PTPN1: variants seen among roughly 807,000 people sequenced by gnomAD.
PTPN1 encodes protein tyrosine phosphatase non-receptor type 1, also known as tyrosine-protein phosphatase non-receptor type 1.
In PTPN1, 12 loss-of-function variants were observed where a neutral mutation model predicts 59.9. That is an observed-to-expected ratio of 0.20 (90% confidence interval 0.13 to 0.32). PTPN1 has a LOEUF of 0.32. Ranked by LOEUF, PTPN1 falls within the 10% of genes least tolerant of loss-of-function variation. The pLI is 1.00. For missense variants in PTPN1, 356 were observed against 549.2 expected, an observed-to-expected ratio of 0.65 and a Z score of 3.52; for synonymous variants, 178 against 203.6, an observed-to-expected ratio of 0.87 and a Z score of 1.07.
At chr20:50,550,841 A>G (rs2082699213) in intron 1 of PTPN1, among the ~76,000 whole-genome samples, 1 of 152,180 alleles carries the variant, frequency 6.6e-6, no homozygotes, top group Non-Finnish European at 1.5e-5. Context: ...AAAATGAGTA[A>G]TGCATTTTAC....
chr20:50,556,034 C>CT (rs745934751), intron 1 of PTPN1, among the ~76,000 whole-genome samples: 7,741 of 142,994 alleles, frequency 0.054, 267 homozygotes, highest in Non-Finnish European at 0.08. Context: ...TTTTTCAGGT[C>CT]TTTTTTTTTT....
intron 5 of PTPN1, among the ~76,000 whole-genome samples, chr20:50,576,324 C>T (rs2082836577): frequency 1.3e-5 from 2 of 152,194 alleles, no homozygotes; most frequent in Non-Finnish European, 2.9e-5. Context: ...AAGAGCTGTG[C>T]GCTTTTTGCT....
rs1176721804 is a variant in PTPN1 at position 50,582,826 on chromosome 20, G to A, written c.*111G>A. 12 of 1,359,908 alleles carry A rather than the reference G, an allele frequency of 8.8e-6. No homozygotes were observed. Among genetic ancestry groups the A allele is most frequent in the Non-Finnish European group, 1.2e-5 (12 of 969,202 alleles). The allele number at this position is 1,359,908 out of a possible 1,614,324, so 84.2% of individuals were successfully genotyped here. ...TAAGGGCCGCCGGACCGCGTAGAGA[G>A]CCGGGCCCCGGACGGACGTTGGTTC... is the stretch of plus-strand genomic sequence containing the variant. On this transcript the variant is annotated 3_prime_UTR_variant, in exon 10 of 10. Coordinates refer to ENST00000371621, the MANE Select transcript of PTPN1 (RefSeq NM_002827.4). The surrounding 1 kb of genome is among the most constrained non-coding windows in gnomAD (Gnocchi z 4.2).
At chr20:50,581,753 T>C (rs77843552) in intron 9 of PTPN1, among the ~76,000 whole-genome samples, 80 of 149,468 alleles carry the variant, frequency 5.4e-4, no homozygotes, top group East Asian at 2.1e-3. Context: ...CTCTCTCTCT[T>C]TTTTTTTTTA....
At chr20:50,564,075 AAAAAAC>A (rs919528416) in intron 2 of PTPN1, among the ~76,000 whole-genome samples, 2 of 152,258 alleles carry the variant, frequency 1.3e-5, no homozygotes, top group Non-Finnish European at 2.9e-5. Flanking sequence ...CTTTAAAAAA[AAAAAAC>A]AAAAACCTCG....
At chr20:50,520,836 G>A (rs1245690500) in intron 1 of PTPN1, among the ~76,000 whole-genome samples, 1 of 152,186 alleles carries the variant, frequency 6.6e-6, no homozygotes, top group East Asian at 1.9e-4. Flanking sequence ...ACTGTTGTGG[G>A]ATTTTGAGGA....
In PTPN1 at chr20:50,579,154, T is replaced by C; in HGVS notation, c.703-14T>C. 1.2e-6 allele frequency: 2 copies of C among 1,613,970 alleles called. No individual in the cohort carries two copies. Among genetic ancestry groups the C allele is most frequent in the Non-Finnish European group, 1.7e-6 (2 of 1,179,844 alleles). On this transcript the variant is annotated splice_polypyrimidine_tract_variant and intron_variant, in intron 6 of 9. Transcript: ENST00000371621. ...TTGGACCTGGCTGACTTATATCTCCTCTCTGGCTTTCAGATGGACAAGAGG... is the reference window on the plus strand; with the variant it reads ...TTGGACCTGGCTGACTTATATCTCCCCTCTGGCTTTCAGATGGACAAGAGG...
intron 1 of PTPN1, among the ~76,000 whole-genome samples, chr20:50,516,757 T>C (rs2082530939): frequency 6.6e-6 from 1 of 152,216 alleles, no homozygotes; most frequent in Non-Finnish European, 1.5e-5. Flanking sequence ...ATTGGGTGGC[T>C]TTTCCTGTAA....
intron 3 of PTPN1, among the ~76,000 whole-genome samples, chr20:50,567,255 C>T (rs532011028): frequency 6.6e-6 from 1 of 151,990 alleles, no homozygotes; most frequent in African/African-American, 2.4e-5. Context: ...GGTGAAACCC[C>T]GTCTCTACTA....
chr20:50,555,300 G>A (rs1568787774), intron 1 of PTPN1, among the ~76,000 whole-genome samples: 1 of 152,196 alleles, frequency 6.6e-6, no homozygotes, highest in Non-Finnish European at 1.5e-5. Flanking sequence ...CAAACTTTAT[G>A]CTAGTAAATG....
chr20:50,513,525 C>T (rs2082516055), intron 1 of PTPN1, among the ~76,000 whole-genome samples: 1 of 152,146 alleles, frequency 6.6e-6, no homozygotes, highest in South Asian at 2.1e-4. Flanking sequence ...TGACACCACT[C>T]ACTATATTTC....
chr20:50,545,214 C>G (rs928674062), intron 1 of PTPN1, among the ~76,000 whole-genome samples: 1 of 152,140 alleles, frequency 6.6e-6, no homozygotes, highest in Non-Finnish European at 1.5e-5. Context: ...CGTCAGCCCC[C>G]CAAAGTGTTG....
At chr20:50,555,535 A>G (rs933481495) in intron 1 of PTPN1, among the ~76,000 whole-genome samples, 3 of 152,220 alleles carry the variant, frequency 2.0e-5, no homozygotes, top group Admixed American at 6.5e-5. Context: ...GGTATGTTTT[A>G]TTATTTGTAA....
chr20:50,518,624 TTTGTTG>T (rs1301574350), intron 1 of PTPN1, among the ~76,000 whole-genome samples: 7 of 151,862 alleles, frequency 4.6e-5, no homozygotes, highest in Non-Finnish European at 8.8e-5. Context: ...CATTTTTTGG[TTTGTTG>T]TTGTTGTTGT....
At chr20:50,524,567 G>GTTTTTTTTTTTTTTTTT (rs1386022104) in intron 1 of PTPN1, among the ~76,000 whole-genome samples, 4 of 64,108 alleles carry the variant, frequency 6.2e-5, no homozygotes, top group Non-Finnish European at 9.3e-5. Context: ...CCATTATGTG[G>GTTTTTTTTTTTTTTTTT]TCTTTTTTTT....
chr20:50,533,692 C>T (rs941371546), intron 1 of PTPN1, among the ~76,000 whole-genome samples: 2 of 151,690 alleles, frequency 1.3e-5, no homozygotes, highest in Non-Finnish European at 2.9e-5. Context: ...ACACCCTTGC[C>T]CCCCCCCAGA....
At chr20:50,580,731 A>G (rs918246803) in intron 8 of PTPN1, among the ~76,000 whole-genome samples, 2 of 152,250 alleles carry the variant, frequency 1.3e-5, no homozygotes, top group African/African-American at 4.8e-5. Flanking sequence ...CTCTCAAAAC[A>G]AGCGTGTAAA....
At chr20:50,525,350 C>T (rs567446447) in intron 1 of PTPN1, among the ~76,000 whole-genome samples, 47 of 152,376 alleles carry the variant, frequency 3.1e-4, no homozygotes, top group Middle Eastern at 3.4e-3. Flanking sequence ...CGTGAGCCAC[C>T]GCACCTGGCC....
chr20:50,566,209 CTG>C (rs762863144), intron 3 of PTPN1, among the ~76,000 whole-genome samples: 2 of 152,122 alleles, frequency 1.3e-5, no homozygotes, highest in Non-Finnish European at 2.9e-5. Context: ...CGGGAGATGT[CTG>C]GGGATGAGGT....
Sources: allele counts gnomAD v4.1 joint callset (sites outside exome capture counted in the v4.1 genomes callset), GRCh38; gene constraint gnomAD v4.1.1; non-coding constraint Gnocchi (gnomAD v3.1); transcripts MANE v1.5; gene names NCBI Gene and HGNC (gene_info 2026-07-23, HGNC 2026-07-21).